KCNU1: variants seen among roughly 807,000 people sequenced by gnomAD.
The protein encoded by KCNU1 is potassium channel subfamily U member 1.
Under a neutral mutation model 126.8 loss-of-function variants are expected in KCNU1, and 93 were observed. That is an observed-to-expected ratio of 0.73 (90% CI 0.62 to 0.87). KCNU1 has a LOEUF of 0.87. Ranked by LOEUF, KCNU1 falls within the 40% of genes least tolerant of loss-of-function variation. The pLI, the probability that KCNU1 is intolerant of heterozygous loss-of-function variation, is 0.00. For synonymous variants in KCNU1, 523 were observed against 494.2 expected (o/e 1.06, Z -0.77); for missense variants, 1,330 against 1,367.1 (o/e 0.97, Z 0.43).
Position 36,864,533 on chromosome 8 carries a change from A to C in KCNU1, c.2009+12A>C. ...AACTTCACCACCAGGTAAAAGCTGC[A>C]GAGAACCCTGGTCTCCTATAGTTTT... On this transcript the variant is annotated intron_variant, in intron 19 of 26. Transcript: ENST00000399881. The C allele has an allele frequency of 6.7e-7, 1 of 1,490,282 alleles. No homozygotes were observed. The highest frequency in any genetic ancestry group is 9.4e-7 in the Non-Finnish European group (1 of 1,067,244). The allele number at this position is 1,490,282 out of a possible 1,614,324, so 92.3% of individuals were successfully genotyped here. A position where few individuals can be genotyped will look rare whatever the true frequency, so the allele number is the denominator to read the frequency against.
chr8:36,863,513 A>G (rs1805800382), intron 18 of KCNU1, among the ~76,000 whole-genome samples: 1 of 152,206 alleles, frequency 6.6e-6, no homozygotes, highest in African/African-American at 2.4e-5. Flanking sequence ...AGCGGATCAC[A>G]CAGGCTCTTT....
chr8:36,873,040 T>C (rs1301102793), intron 19 of KCNU1, among the ~76,000 whole-genome samples: 1 of 152,008 alleles, frequency 6.6e-6, no homozygotes, highest in East Asian at 1.9e-4. Flanking sequence ...GATTGCACCA[T>C]TGCACTCCAG....
chr8:36,808,802 C>G lies in KCNU1; in HGVS notation c.732+9C>G, dbSNP rs182463422. 1 of 1,596,170 alleles carries G rather than the reference C, an allele frequency of 6.3e-7. No individual in the cohort carries two copies. The highest frequency in any genetic ancestry group is 1.7e-5 in the Admixed American group (1 of 59,498). On this transcript the variant is annotated intron_variant, in intron 7 of 26. Coordinates refer to ENST00000399881, the MANE Select transcript of KCNU1 (RefSeq NM_001031836.3). ...CGGGATTCATTCACCTGGTAAGCAT[C>G]TCATCACAATCCCTAGTGGTGTCTG...
At chr8:36,926,009 A>G (rs7460902) in intron 24 of KCNU1, among the ~76,000 whole-genome samples, 87,544 of 151,848 alleles carry the variant, frequency 0.58, 25,294 homozygotes, top group Middle Eastern at 0.62. Context: ...TCCTACATAG[A>G]TCTCTAGGCA....
intron 19 of KCNU1, among the ~76,000 whole-genome samples, chr8:36,886,478 G>A (rs1050849271): frequency 8.5e-5 from 13 of 152,198 alleles, no homozygotes; most frequent in African/African-American, 2.9e-4. Context: ...CACAAGCCGG[G>A]AAGTGTGCCT....
At chr8:36,814,120 G>C (rs576053592) in intron 7 of KCNU1, 87 bp from the exon 8 acceptor site, 18 of 930,288 alleles carry the variant, frequency 1.9e-5, no homozygotes, top group Middle Eastern at 2.8e-4. Context: ...TGAATGAAGT[G>C]CAATTAATCT....
At chr8:36,834,960 G>A in intron 12 of KCNU1, 92 bp downstream of exon 12, 1 of 832,638 alleles carries the variant, frequency 1.2e-6, no homozygotes, top group Non-Finnish European at 1.9e-6. Flanking sequence ...AGGAGAAAAT[G>A]TCGTCTATCA....
chr8:36,930,259 G>A (rs887705148), intron 24 of KCNU1, among the ~76,000 whole-genome samples: 2 of 152,098 alleles, frequency 1.3e-5, no homozygotes, highest in Non-Finnish European at 2.9e-5. Context: ...CCTGGAGAAA[G>A]AGACTTTATT....
chr8:36,867,078 A>T (rs970794656), intron 19 of KCNU1, among the ~76,000 whole-genome samples: 6 of 152,130 alleles, frequency 3.9e-5, no homozygotes, highest in African/African-American at 1.4e-4. Context: ...AAGTTGGAAA[A>T]CTTTCACAAT....
At chr8:36,813,442 A>G (rs1585404890) in intron 7 of KCNU1, among the ~76,000 whole-genome samples, 3 of 151,742 alleles carry the variant, frequency 2.0e-5, no homozygotes. Flanking sequence ...GTCTAAAAGA[A>G]AAAACAAAGA....
chr8:36,867,636 A>G (rs1051850180), intron 19 of KCNU1, among the ~76,000 whole-genome samples: 32 of 152,280 alleles, frequency 2.1e-4, no homozygotes, highest in African/African-American at 7.0e-4. Flanking sequence ...GTGATGGTAA[A>G]GGGTTGGCGA....
intron 2 of KCNU1, among the ~76,000 whole-genome samples, chr8:36,796,387 A>C (rs1803100502): frequency 6.6e-6 from 1 of 152,206 alleles, no homozygotes; most frequent in South Asian, 2.1e-4. Context: ...AAGCAATACT[A>C]ATTATGTTAT....
At chr8:36,847,220 C>A (rs1805183129) in intron 18 of KCNU1, among the ~76,000 whole-genome samples, 1 of 151,936 alleles carries the variant, frequency 6.6e-6, no homozygotes, top group Non-Finnish European at 1.5e-5. Flanking sequence ...AATTTTTTTT[C>A]TGTTACTTTT....
chr8:36,927,091 C>A (rs577265950), intron 24 of KCNU1, among the ~76,000 whole-genome samples: 1 of 152,066 alleles, frequency 6.6e-6, no homozygotes, highest in Admixed American at 6.6e-5. Context: ...AATAAATGTG[C>A]GAATCCCAAG....
chr8:36,806,197 T>C, intron 4 of KCNU1, 72 bp from the exon 5 acceptor site: 3 of 843,794 alleles, frequency 3.6e-6, no homozygotes, highest in Non-Finnish European at 5.7e-6. Flanking sequence ...TGCAGCTGAA[T>C]AATGCTATCT....
chr8:36,808,293 T>C (rs1803579653), intron 6 of KCNU1, among the ~76,000 whole-genome samples: 1 of 152,186 alleles, frequency 6.6e-6, no homozygotes, highest in Non-Finnish European at 1.5e-5. Context: ...CAGAATTTTA[T>C]TTTGCAAATC....
intron 22 of KCNU1, among the ~76,000 whole-genome samples, 175 bp downstream of exon 22, chr8:36,911,294 G>A (rs536620896): frequency 9.9e-5 from 15 of 152,244 alleles, no homozygotes; most frequent in African/African-American, 3.6e-4. Context: ...TCAGTGCCCT[G>A]GAATTCTAAG....
chr8:36,903,718 A>G (rs1807510541), intron 19 of KCNU1, among the ~76,000 whole-genome samples: 1 of 152,146 alleles, frequency 6.6e-6, no homozygotes, highest in Non-Finnish European at 1.5e-5. Context: ...CTAATACTTG[A>G]GACTGAGTAA....
At chr8:36,802,056 C>A (rs929351929) in intron 2 of KCNU1, among the ~76,000 whole-genome samples, 1 of 147,494 alleles carries the variant, frequency 6.8e-6, no homozygotes, top group African/African-American at 2.5e-5. Flanking sequence ...TTGCAGTGAG[C>A]CGAGATTGCG....
Sources: gnomAD v4.1 joint callset for allele counts (sites outside exome capture counted in the v4.1 genomes callset) on GRCh38, gnomAD v4.1.1 for gene constraint, MANE v1.5 for transcripts, NCBI Gene and HGNC (gene_info 2026-07-23, HGNC 2026-07-21) for gene names.